MED15: variants seen among roughly 807,000 people sequenced by gnomAD.
The protein encoded by MED15 is mediator of RNA polymerase II transcription subunit 15.
In MED15, 41 loss-of-function variants were observed where a neutral mutation model predicts 118.7. The ratio of observed to expected loss-of-function variants is 0.35; its 90% CI spans 0.27 to 0.45. The LOEUF is 0.45. MED15 is among the 20% of genes least tolerant of loss of function. MED15 has a pLI of 1.00. For synonymous variants in MED15, 436 were observed against 413.9 expected, an observed-to-expected ratio of 1.05 and a Z score of -0.65; for missense variants, 740 against 1,025.5, an observed-to-expected ratio of 0.72 and a Z score of 3.80.
At chr22:20,541,727 G>A (rs570834414) in intron 2 of MED15, among the ~76,000 whole-genome samples, 2 of 150,674 alleles carry the variant, frequency 1.3e-5, no homozygotes, top group East Asian at 2.0e-4. Context: ...TCGGCTCAAC[G>A]CAACCTCCGC....
rs542609684 is a variant in MED15, at chr22:20,584,663, C to T, written c.1804-192C>T. 2.2e-5 allele frequency: 19 copies of T among 865,092 alleles called. No homozygotes were observed. The African/African-American group carries it at 2.5e-4, about 12-fold the overall frequency. 53.6% of individuals were successfully genotyped at this position (865,092 alleles called of 1,614,324 possible). On this transcript the variant is annotated intron_variant, in intron 14 of 17. Coordinates refer to ENST00000263205, the MANE Select transcript of MED15 (RefSeq NM_001003891.3). The stretch of plus-strand genomic sequence containing the variant: ...TCACCCATTTCAGAGGAGGCAGGGA[C>T]TGTAGGGAGGATAGGCTGTGGGGGT...
chr22:20,508,791 T>G (rs1025548826), intron 1 of MED15, among the ~76,000 whole-genome samples: 5 of 152,184 alleles, frequency 3.3e-5, no homozygotes, highest in African/African-American at 4.8e-5. Context: ...TACGTGCAAG[T>G]CACAGGGGAT....
In MED15 at chr22:20,587,058, G is replaced by A. The variant is rs914268881; in HGVS notation, c.*354G>A. 2.3e-5 allele frequency: 8 copies of A among 342,964 alleles called. No individual in the cohort carries two copies. Among genetic ancestry groups the A allele is most frequent in the East Asian group, 5.2e-5 (1 of 19,308 alleles). 21.2% of individuals were successfully genotyped at this position (342,964 alleles called of 1,614,324 possible). A position where few individuals can be genotyped will look rare whatever the true frequency, so the allele number is the denominator to read the frequency against. On this transcript the variant is annotated 3_prime_UTR_variant, in exon 18 of 18. Transcript: ENST00000263205. The stretch of plus-strand genomic sequence containing the variant: ...ACTCAGGGTGTTGTTAGAGCGTCTC[G>A]TGTGTGCTAGACGCACCCCTACTCG...
chr22:20,586,987 C>CGT lies in MED15; in HGVS notation c.*285_*286dup, dbSNP rs2057154362. On this transcript the variant is annotated 3_prime_UTR_variant, in exon 18 of 18. Transcript: ENST00000263205. ...GATGCGATCCTCAGGCTGCTCTCACCGTGGCCTGTCCACGGTCCAGGTCCA... is the reference window on the plus strand; with the variant it reads ...GATGCGATCCTCAGGCTGCTCTCACCGTGTGGCCTGTCCACGGTCCAGGTCCA... 1.9e-6 allele frequency: 1 copy of CGT among 517,298 alleles called. No homozygotes were observed. Among genetic ancestry groups the CGT allele is most frequent in the African/African-American group, 1.9e-5 (1 of 52,558 alleles). The allele number at this position is 517,298 out of a possible 1,614,324, so 32.0% of individuals were successfully genotyped here. A position where few individuals can be genotyped will look rare whatever the true frequency, so the allele number is the denominator to read the frequency against.
At chr22:20,527,630 T>C (rs2146399381) in intron 1 of MED15, among the ~76,000 whole-genome samples, 1 of 152,054 alleles carries the variant, frequency 6.6e-6, no homozygotes, top group Non-Finnish European at 1.5e-5. Context: ...TTCGTAGAGA[T>C]GGGATCTTGT....
intron 1 of MED15, chr22:20,523,655 G>C: frequency 5.1e-6 from 5 of 985,386 alleles, no homozygotes; most frequent in Non-Finnish European, 4.8e-6. Context: ...ATGCTTGCCT[G>C]GTGGTGAATG....
intron 9 of MED15, among the ~76,000 whole-genome samples, chr22:20,577,002 T>G (rs554305542): frequency 6.6e-6 from 1 of 152,294 alleles, no homozygotes; most frequent in East Asian, 1.9e-4. Context: ...TCCCCAATGT[T>G]TTCAGTGTGC....
chr22:20,537,338 A>C (rs924535821), intron 2 of MED15, 134 bp downstream of exon 2: 13 of 703,750 alleles, frequency 1.8e-5, no homozygotes, highest in Non-Finnish European at 2.3e-5. Context: ...TCACAGGCAC[A>C]GTTGGTTTTG....
intron 7 of MED15, among the ~76,000 whole-genome samples, chr22:20,567,810 C>T (rs1001757281): frequency 2.0e-5 from 3 of 152,158 alleles, no homozygotes; most frequent in African/African-American, 7.2e-5. Flanking sequence ...TCTGGAGGCC[C>T]CTCCATGCAG....
intron 1 of MED15, chr22:20,519,008 A>G (rs1292108455): frequency 2.7e-6 from 1 of 364,234 alleles, no homozygotes; most frequent in African/African-American, 2.2e-5. Context: ...GTGTGCCTCC[A>G]TGCCCGGCTA....
rs368082895 is a variant in MED15, at chr22:20,521,457, C to T, written c.68+13711C>T. On this transcript the variant is annotated intron_variant, in intron 1 of 17. Transcript: ENST00000263205. ...TGTCGCCTAGGCTGGAGTACAGTGG[C>T]GTGATCTTGGCTCACTGCAAGCTCT... Among the ~76,000 whole-genome samples the T allele has an allele frequency of 5.3e-5, 8 of 150,730 alleles. No individual in the cohort carries two copies. The South Asian group carries it at 6.3e-4, about 12-fold the overall frequency.
In MED15 at chr22:20,515,784, C is replaced by CA. The variant is rs554440955; in HGVS notation, c.68+8050dup. 3.8e-3 allele frequency among the ~76,000 whole-genome samples: 510 copies of CA among 135,642 alleles called. 6 individuals are homozygous for CA. Among genetic ancestry groups the CA allele is most frequent in the East Asian group, 0.035 (169 of 4,786 alleles). 89.0% of individuals were successfully genotyped at this position (135,642 alleles called of 152,430 possible). Reference sequence around the variant, plus strand: ...CTGGCGACAGAGTGAGACTCAGTCTCAAAAAAAAAAAATATATAGACCAAC... The same window carrying CA: ...CTGGCGACAGAGTGAGACTCAGTCTCAAAAAAAAAAAAATATATAGACCAAC... On this transcript the variant is annotated intron_variant, in intron 1 of 17. Coordinates refer to ENST00000263205, the MANE Select transcript of MED15 (RefSeq NM_001003891.3).
intron 1 of MED15, chr22:20,518,732 G>T (rs950252940): frequency 8.1e-6 from 3 of 368,670 alleles, no homozygotes; most frequent in African/African-American, 4.3e-5. Flanking sequence ...AAGCAGTGCT[G>T]GCTTTAATTA....
chr22:20,534,641 C>T lies in MED15; in HGVS notation c.69-2476C>T, dbSNP rs552804332. Among the ~76,000 whole-genome samples, 7 of 152,308 alleles carry T rather than the reference C, an allele frequency of 4.6e-5. No homozygotes were observed. In the East Asian group the frequency reaches 9.6e-4, roughly 21 times the overall value. On this transcript the variant is annotated intron_variant, in intron 1 of 17. Transcript: ENST00000263205. ...TTCAGAAAACAGGCCTGTGCAGCCA[C>T]TTCTATCAGAAATGCTCACTGACTT... is the stretch of plus-strand genomic sequence containing the variant.
chr22:20,525,530 CTTTTTTTTTTTTT>C (rs753248152), intron 1 of MED15, among the ~76,000 whole-genome samples: 2 of 113,316 alleles, frequency 1.8e-5, no homozygotes, highest in Non-Finnish European at 3.5e-5. Flanking sequence ...TGACCTTTCT[CTTTTTTTTTTTTT>C]TTTTTTTTTT....
At chr22:20,538,704 T>TTG (rs1198114619) in intron 2 of MED15, among the ~76,000 whole-genome samples, 3 of 149,344 alleles carry the variant, frequency 2.0e-5, no homozygotes, top group South Asian at 2.1e-4. Context: ...TTTTTTTTGT[T>TTG]TGTGCGTGTG....
chr22:20,508,517 A>T lies in MED15; in HGVS notation c.68+771A>T, dbSNP rs1300177842. On this transcript the variant is annotated intron_variant, in intron 1 of 17. Coordinates refer to ENST00000263205, the MANE Select transcript of MED15 (RefSeq NM_001003891.3). ...CCGAAAAGAGAGTCAGCGAAGGGAG[A>T]TAGGGGTGGGGTCGTTTTATAGGAT... 4.9e-6 allele frequency: 4 copies of T among 810,466 alleles called. No individual in the cohort carries two copies. The African/African-American group carries it at 5.4e-5, about 11-fold the overall frequency. The allele number at this position is 810,466 out of a possible 1,614,324, so 50.2% of individuals were successfully genotyped here.
Position 20,507,639 on chromosome 22 carries a change from G to C in MED15, c.-40G>C, listed in dbSNP as rs572832970. On this transcript the variant is annotated 5_prime_UTR_variant, in exon 1 of 18. Coordinates refer to ENST00000263205, the MANE Select transcript of MED15 (RefSeq NM_001003891.3). ...CTGTGACTGAGGCGGCGGCGGTGGCGGCCAAGCGGGATACGGGCGGCGGGA... is the reference window on the plus strand; with the variant it reads ...CTGTGACTGAGGCGGCGGCGGTGGCCGCCAAGCGGGATACGGGCGGCGGGA... 4.3e-5 allele frequency: 69 copies of C among 1,613,054 alleles called. 1 individual carries two copies. In the East Asian group the frequency reaches 4.7e-4, roughly 11 times the overall value.
intron 8 of MED15, among the ~76,000 whole-genome samples, chr22:20,570,717 T>G (rs2056618354): frequency 6.7e-6 from 1 of 149,430 alleles, no homozygotes; most frequent in African/African-American, 2.5e-5. Context: ...TTCTCTTTTT[T>G]CTCTTTTCTT....
Sources: allele counts gnomAD v4.1 joint callset (sites outside exome capture counted in the v4.1 genomes callset), GRCh38; gene constraint gnomAD v4.1.1; transcripts MANE v1.5; gene names NCBI Gene and HGNC (gene_info 2026-07-23, HGNC 2026-07-21).